Variants in LAMA2 observed in about 807,000 individuals in gnomAD.
The protein encoded by LAMA2 is laminin subunit alpha 2.
A neutral mutation model predicts 364.8 loss-of-function variants in LAMA2; 269 were observed. That is an observed-to-expected ratio of 0.74 (90% confidence interval 0.67 to 0.82). The LOEUF is 0.82. Among genes scored for constraint, LAMA2 ranks in the 40% least tolerant of loss-of-function variants. The probability of loss-of-function intolerance (pLI) is 0.00; values close to 1 mark genes in which losing one functional copy is unlikely to be tolerated. For synonymous variants in LAMA2, 1,379 were observed against 1,370.6 expected, an observed-to-expected ratio of 1.01 and a Z score of -0.14; for missense variants, 3,807 against 3,873.2, an observed-to-expected ratio of 0.98 and a Z score of 0.45.
chr6:129,145,747 A>G (rs1294138324), intron 5 of LAMA2, among the ~76,000 whole-genome samples: 1 of 151,948 alleles, frequency 6.6e-6, no homozygotes, highest in Admixed American at 6.6e-5. Context: ...AGTTCAATAA[A>G]CACTCATTTA....
intron 12 of LAMA2, among the ~76,000 whole-genome samples, chr6:129,244,315 A>G (rs1034113958): frequency 5.9e-5 from 9 of 152,084 alleles, no homozygotes; most frequent in Admixed American, 2.6e-4. Flanking sequence ...CACTGTTTCT[A>G]TGATAAAAGA....
At chr6:128,902,706 G>T (rs977535785) in intron 1 of LAMA2, among the ~76,000 whole-genome samples, 5 of 152,022 alleles carry the variant, frequency 3.3e-5, no homozygotes, top group African/African-American at 9.7e-5. Flanking sequence ...TAGAGACAGG[G>T]TCTCCCTCTG....
chr6:129,070,521 C>T (rs1326360359), intron 3 of LAMA2, among the ~76,000 whole-genome samples: 1 of 151,688 alleles, frequency 6.6e-6, no homozygotes, highest in Admixed American at 6.6e-5. Context: ...GTCACTTGTG[C>T]ATTGAAACTC....
In LAMA2 at chr6:129,450,616, C is replaced by T. The variant is rs149124008; in HGVS notation, c.6430-2372C>T. Among the ~76,000 whole-genome samples the T allele has an allele frequency of 2.7e-3, 406 of 152,296 alleles. 2 individuals are homozygous for T. Among genetic ancestry groups the T allele is most frequent in the African/African-American group, 8.0e-3 (332 of 41,570 alleles). ...GATTACAGATGTGAGCCATCACACC[C>T]AGCCTCAACTGTGTTTTTTAAACAA... On this transcript the variant is annotated intron_variant, in intron 45 of 64. Transcript: ENST00000421865.
chr6:129,339,339 C>T (rs915706968), intron 29 of LAMA2, among the ~76,000 whole-genome samples: 1 of 152,072 alleles, frequency 6.6e-6, no homozygotes, highest in South Asian at 2.1e-4. Context: ...TGACAGTGAC[C>T]TCAGATGAAA....
intron 12 of LAMA2, among the ~76,000 whole-genome samples, chr6:129,197,726 T>C (rs772809036): frequency 1.3e-5 from 2 of 152,112 alleles, no homozygotes; most frequent in African/African-American, 2.4e-5. Context: ...TTACAAATTG[T>C]TAAGGATAAA....
In LAMA2 at chr6:129,249,103, A is replaced by G. The variant is rs1409383908; in HGVS notation, c.1783-1009A>G. ...CCATTCTCTGTGGAACACTAAGAGG[A>G]ATCAGGGTTCTTCCTCCTCCATCCA... On this transcript the variant is annotated intron_variant, in intron 12 of 64. Transcript: ENST00000421865. Among the ~76,000 whole-genome samples the G allele has an allele frequency of 2.6e-5, 4 of 152,208 alleles. No individual in the cohort carries two copies. In the East Asian group the frequency reaches 5.8e-4, roughly 22 times the overall value.
chr6:129,409,139 C>T (rs1780396412), intron 40 of LAMA2, among the ~76,000 whole-genome samples: 1 of 152,186 alleles, frequency 6.6e-6, no homozygotes, highest in African/African-American at 2.4e-5. Context: ...GTGCCCTGCT[C>T]AAAATTCTGC....
chr6:129,198,784 C>T (rs2115046114), intron 12 of LAMA2, among the ~76,000 whole-genome samples: 1 of 151,820 alleles, frequency 6.6e-6, no homozygotes, highest in Middle Eastern at 3.4e-3. Context: ...GAATATCCTT[C>T]TAGGAAAATG....
chr6:129,184,683 T>C (rs1177844176), intron 10 of LAMA2, among the ~76,000 whole-genome samples: 1 of 151,860 alleles, frequency 6.6e-6, no homozygotes, highest in East Asian at 1.9e-4. Flanking sequence ...TGGCTATAAA[T>C]CTCTACCCTT....
At chr6:129,292,362 C>T (rs1384341951) in intron 20 of LAMA2, among the ~76,000 whole-genome samples, 1 of 152,084 alleles carries the variant, frequency 6.6e-6, no homozygotes, top group Admixed American at 6.5e-5. Context: ...CAAAACAAAC[C>T]AAAATGTTAC....
At chr6:129,289,329 G>A (rs1789515882) in intron 19 of LAMA2, among the ~76,000 whole-genome samples, 1 of 152,154 alleles carries the variant, frequency 6.6e-6, no homozygotes, top group Non-Finnish European at 1.5e-5. Flanking sequence ...TCCTGAGCAA[G>A]ATATTTGACC....
chr6:129,072,579 A>G (rs1468331718), intron 3 of LAMA2, among the ~76,000 whole-genome samples: 2 of 152,112 alleles, frequency 1.3e-5, no homozygotes, highest in African/African-American at 4.8e-5. Flanking sequence ...ATGGGTTCAA[A>G]TTACCATATT....
chr6:128,984,434 G>C (rs1783088547), intron 1 of LAMA2, among the ~76,000 whole-genome samples: 1 of 152,088 alleles, frequency 6.6e-6, no homozygotes, highest in African/African-American at 2.4e-5. Context: ...GATCATCAGA[G>C]ACAAGTATCC....
chr6:128,942,828 CA>C (rs778209474), intron 1 of LAMA2, among the ~76,000 whole-genome samples: 7 of 152,044 alleles, frequency 4.6e-5, no homozygotes, highest in Non-Finnish European at 8.8e-5. Context: ...AAGTACTTAC[CA>C]AAGGGAGCTC....
Position 129,391,770 on chromosome 6 carries a change from A to T in LAMA2, c.5234+117A>T. ...AAGATGCTTTGTTTTTCCAACCTGG[A>T]GATATTTGCTATGTTATCTATCATC... On this transcript the variant is annotated intron_variant, in intron 36 of 64. Transcript: ENST00000421865. The T allele has an allele frequency of 6.2e-6, 5 of 807,606 alleles. No homozygotes were observed. In the South Asian group the frequency reaches 7.7e-5, roughly 12 times the overall value. 50.0% of individuals were successfully genotyped at this position (807,606 alleles called of 1,614,324 possible).
chr6:129,211,779 A>G (rs1310211041), intron 12 of LAMA2, among the ~76,000 whole-genome samples: 2 of 152,162 alleles, frequency 1.3e-5, no homozygotes, highest in Non-Finnish European at 2.9e-5. Flanking sequence ...CACAATTCCC[A>G]TGAAAGCACC....
In LAMA2 at chr6:129,297,669, C is replaced by T. The variant is rs1200243350; in HGVS notation, c.2857-16C>T. ...ACTGATTTAAATTTAATTTTTCTCT[C>T]CTCTTCCATTGCCAGGCTGGGACCT... On this transcript the variant is annotated splice_polypyrimidine_tract_variant and intron_variant, in intron 20 of 64. Coordinates refer to ENST00000421865, the MANE Select transcript of LAMA2 (RefSeq NM_000426.4). The T allele has an allele frequency of 6.2e-7, 1 of 1,612,238 alleles. No homozygotes were observed. Among genetic ancestry groups the T allele is most frequent in the East Asian group, 2.2e-5 (1 of 44,884 alleles).
chr6:129,266,547 A>G (rs898859691), intron 15 of LAMA2, among the ~76,000 whole-genome samples: 1 of 152,150 alleles, frequency 6.6e-6, no homozygotes, highest in South Asian at 2.1e-4. Flanking sequence ...CATGAATTAT[A>G]TATGTGTAGA....
Sources: allele counts gnomAD v4.1 joint callset (sites outside exome capture counted in the v4.1 genomes callset), GRCh38; gene constraint gnomAD v4.1.1; transcripts MANE v1.5; gene names NCBI Gene and HGNC (gene_info 2026-07-23, HGNC 2026-07-21).